HS6ST2: variants seen among roughly 807,000 people sequenced by gnomAD.
The protein encoded by HS6ST2 is heparan sulfate 6-O-sulfotransferase 2.
HS6ST2 carries 17 observed loss-of-function variants against 33.0 expected under a neutral mutation model. That is an observed-to-expected ratio of 0.52 (90% CI 0.35 to 0.77). HS6ST2 has a LOEUF of 0.77. Ranked by LOEUF, HS6ST2 falls within the 30% of genes least tolerant of loss-of-function variation. The pLI is 0.01. For synonymous variants in HS6ST2, 248 were observed against 237.1 expected (o/e 1.05, Z -0.42); for missense variants, 519 against 551.7 (o/e 0.94, Z 0.59).
chrX:132,853,715 G>A (rs1193498245), intron 2 of HS6ST2, among the ~76,000 whole-genome samples: 1 of 110,708 alleles, frequency 9.0e-6, no homozygotes, highest in African/African-American at 3.3e-5. Flanking sequence ...AGAAGCTCAA[G>A]AGCCAGTTAG....
At chrX:132,725,965 T>C (rs1336523986) in intron 2 of HS6ST2, among the ~76,000 whole-genome samples, 1 of 109,746 alleles carries the variant, frequency 9.1e-6, no homozygotes, top group Non-Finnish European at 1.9e-5. Flanking sequence ...ATCAAAACAA[T>C]TGAACTCATA....
At chrX:132,887,481 T>C (rs988476721) in intron 2 of HS6ST2, among the ~76,000 whole-genome samples, 1 of 112,285 alleles carries the variant, frequency 8.9e-6, no homozygotes, top group South Asian at 3.7e-4. Context: ...AGAGTGACTG[T>C]AATAAAAGAT....
chrX:132,752,090 A>G (rs1230165864), intron 2 of HS6ST2, among the ~76,000 whole-genome samples: 1 of 111,829 alleles, frequency 8.9e-6, no homozygotes, highest in Non-Finnish European at 1.9e-5. Flanking sequence ...ACCAGAGCCA[A>G]TGGTCATATA....
chrX:132,760,295 T>A (rs1428959294), intron 2 of HS6ST2, among the ~76,000 whole-genome samples: 1 of 111,020 alleles, frequency 9.0e-6, no homozygotes, highest in Non-Finnish European at 1.9e-5. Context: ...ATAATCCCCA[T>A]GTGTCATGGG....
intron 2 of HS6ST2, among the ~76,000 whole-genome samples, chrX:132,766,336 TAAGA>T (rs1026461437): frequency 4.5e-5 from 5 of 112,243 alleles, no homozygotes; most frequent in African/African-American, 1.6e-4. Context: ...ATATCATATC[TAAGA>T]AAGGCAGGCC....
intron 2 of HS6ST2, among the ~76,000 whole-genome samples, chrX:132,943,312 T>C (rs951497714): frequency 4.5e-5 from 5 of 111,575 alleles, no homozygotes; most frequent in Admixed American, 9.6e-5. Flanking sequence ...AATATCCCAG[T>C]TGATTTTAAA....
At chrX:132,672,308 G>GT (rs922455685) in intron 3 of HS6ST2, among the ~76,000 whole-genome samples, 10 of 106,437 alleles carry the variant, frequency 9.4e-5, no homozygotes, top group African/African-American at 3.5e-4. Context: ...GAGATTGGTG[G>GT]GGGGGGGTGG....
chrX:132,951,691 CT>C (rs2067018100), intron 2 of HS6ST2, among the ~76,000 whole-genome samples: 1 of 111,564 alleles, frequency 9.0e-6, no homozygotes, highest in Non-Finnish European at 1.9e-5. Context: ...GTTATCTTGG[CT>C]TTTTTGGTTT....
chrX:132,686,809 G>A (rs1362670866), intron 3 of HS6ST2, among the ~76,000 whole-genome samples: 2 of 111,593 alleles, frequency 1.8e-5, no homozygotes, highest in African/African-American at 3.3e-5. Context: ...ACTCATTATG[G>A]CAGTATAGGC....
At chrX:132,792,621 A>G (rs2065127717) in intron 2 of HS6ST2, among the ~76,000 whole-genome samples, 1 of 111,943 alleles carries the variant, frequency 8.9e-6, no homozygotes, top group Non-Finnish European at 1.9e-5. Context: ...TAACACCTCA[A>G]ATAGAAACTT....
intron 2 of HS6ST2, among the ~76,000 whole-genome samples, chrX:132,745,706 C>T (rs994232158): frequency 2.1e-4 from 24 of 111,653 alleles, no homozygotes; most frequent in Non-Finnish European, 3.4e-4. Context: ...TTTAGAATCC[C>T]TTAGAAAGTA....
chrX:132,915,786 T>C (rs1156955442), intron 2 of HS6ST2, among the ~76,000 whole-genome samples: 1 of 108,444 alleles, frequency 9.2e-6, no homozygotes, highest in East Asian at 2.9e-4. Context: ...CAGAGTGCAA[T>C]GGTGCAATCT....
intron 2 of HS6ST2, among the ~76,000 whole-genome samples, chrX:132,881,389 AT>A (rs1230880082): frequency 9.0e-6 from 1 of 111,568 alleles, no homozygotes; most frequent in Non-Finnish European, 1.9e-5. Context: ...GATGATGAGC[AT>A]TTTTTCATGT....
intron 4 of HS6ST2, among the ~76,000 whole-genome samples, chrX:132,663,305 G>A (rs1212266562): frequency 8.9e-6 from 1 of 112,344 alleles, no homozygotes; most frequent in African/African-American, 3.2e-5. Flanking sequence ...TTTTCAAATA[G>A]CTTAGGCTAC....
At chrX:132,896,030 C>A (rs2066372057) in intron 2 of HS6ST2, among the ~76,000 whole-genome samples, 1 of 111,128 alleles carries the variant, frequency 9.0e-6, no homozygotes, top group African/African-American at 3.3e-5. Flanking sequence ...AGACAAACAT[C>A]ATATGTTCTC....
chrX:132,848,200 G>A (rs1219370303), intron 2 of HS6ST2, among the ~76,000 whole-genome samples: 1 of 111,840 alleles, frequency 8.9e-6, no homozygotes, highest in East Asian at 2.8e-4. Context: ...TTTAACACGA[G>A]ATCAGAAAGA....
At chrX:132,931,128 C>T (rs764265800) in intron 2 of HS6ST2, among the ~76,000 whole-genome samples, 1 of 111,652 alleles carries the variant, frequency 9.0e-6, no homozygotes, top group African/African-American at 3.3e-5. Flanking sequence ...TCAAGGAAGT[C>T]TACTAACCTT....
At chrX:132,702,877 C>T (rs1408431283) in intron 3 of HS6ST2, among the ~76,000 whole-genome samples, 2 of 111,730 alleles carry the variant, frequency 1.8e-5, no homozygotes, top group African/African-American at 3.3e-5. Context: ...ATGTCTAGAA[C>T]AGTGCCTGGA....
intron 2 of HS6ST2, among the ~76,000 whole-genome samples, chrX:132,844,391 C>A (rs1286908715): frequency 9.0e-6 from 1 of 111,653 alleles, no homozygotes; most frequent in Non-Finnish European, 1.9e-5. Flanking sequence ...TCTACAGGTA[C>A]AAATAATAAC....
Sources: gnomAD v4.1 joint callset for allele counts (sites outside exome capture counted in the v4.1 genomes callset) on GRCh38, gnomAD v4.1.1 for gene constraint, MANE v1.5 for transcripts, NCBI Gene and HGNC (gene_info 2026-07-23, HGNC 2026-07-21) for gene names.